BRD3: variants seen among roughly 807,000 people sequenced by gnomAD.
BRD3 encodes the protein bromodomain-containing protein 3.
BRD3 carries 17 observed loss-of-function variants against 66.8 expected under a neutral mutation model. The ratio of observed to expected loss-of-function variants is 0.25; its 90% CI spans 0.17 to 0.38. The LOEUF is 0.38. Ranked by LOEUF, BRD3 falls within the 10% of genes least tolerant of loss-of-function variation. BRD3 has a pLI of 1.00. For missense variants in BRD3, 713 were observed against 956.1 expected (o/e 0.75, Z 3.35); for synonymous variants, 421 against 393.2 (o/e 1.07, Z -0.84).
intron 10 of BRD3, among the ~76,000 whole-genome samples, chr9:134,035,615 G>A (rs756533880): frequency 3.3e-5 from 5 of 152,234 alleles, no homozygotes; most frequent in Non-Finnish European, 5.9e-5. Flanking sequence ...GCCCTGCAAG[G>A]GACCATGAGA....
chr9:134,056,124 G>A (rs1190345468), intron 1 of BRD3: 1 of 152,338 alleles, frequency 6.6e-6, no homozygotes, highest in Non-Finnish European at 1.5e-5. Context: ...CACGAGCCAC[G>A]GCAGAGCCGT....
At chr9:134,042,983 G>A (rs1325157657) in intron 7 of BRD3, among the ~76,000 whole-genome samples, 1 of 152,090 alleles carries the variant, frequency 6.6e-6, no homozygotes, top group Non-Finnish European at 1.5e-5. Context: ...GGGATCACAG[G>A]CATGCGCCAC....
intron 1 of BRD3, 43 bp from the exon 2 acceptor site, chr9:134,053,633 C>A: frequency 7.0e-7 from 1 of 1,426,508 alleles, no homozygotes; most frequent in South Asian, 1.5e-5. Context: ...CCAGTCACCC[C>A]GGGGACCCCC....
chr9:134,052,403 G>C lies in BRD3; in HGVS notation c.254C>G (p.Thr85Ser), dbSNP rs1263020685. ...KIIKNPMDMG[T>S]IKKRLENNYY... ...ATTATTTTCTAGTCTCTTCTTAATA[G>C]TCCCCATATCCATTGGGTTTTTAAT... is the stretch of plus-strand genomic sequence containing the variant. Residue 85 changes from threonine to serine, a missense_variant, in exon 3 of 12, where the codon ACT becomes AGT. Around this residue, in one of 5 missense-constraint regions of BRD3, gnomAD observed 85 missense variants for 152.4 expected, o/e 0.56. Coordinates refer to ENST00000303407, the MANE Select transcript of BRD3 (RefSeq NM_007371.4). 6.2e-7 allele frequency: 1 copy of C among 1,611,886 alleles called. No individual in the cohort carries two copies. Among genetic ancestry groups the C allele is most frequent in the South Asian group, 1.1e-5 (1 of 91,070 alleles).
intron 1 of BRD3, among the ~76,000 whole-genome samples, chr9:134,063,518 CTTAT>C (rs1446150234): frequency 1.3e-5 from 2 of 152,238 alleles, no homozygotes; most frequent in Non-Finnish European, 2.9e-5. Context: ...CTCTCAGCCG[CTTAT>C]AGTAGATTCT....
chr9:134,061,326 T>A (rs1192234488), intron 1 of BRD3, among the ~76,000 whole-genome samples: 4 of 152,190 alleles, frequency 2.6e-5, no homozygotes, highest in Non-Finnish European at 5.9e-5. Context: ...GGTCCAGGGA[T>A]GGGGAGTCCC....
intron 9 of BRD3, among the ~76,000 whole-genome samples, chr9:134,037,297 C>T (rs1046401623): frequency 7.9e-5 from 12 of 152,306 alleles, no homozygotes; most frequent in South Asian, 6.2e-4. Context: ...CAGGGCTGGG[C>T]GCGGTGGCTC....
chr9:134,060,986 C>A, intron 1 of BRD3, among the ~76,000 whole-genome samples: 1 of 152,052 alleles, frequency 6.6e-6, no homozygotes, highest in East Asian at 1.9e-4. Flanking sequence ...ATGCTGAGTC[C>A]AGGGCTGTTT....
At chr9:134,052,486 T>G (rs1830326381) in intron 2 of BRD3, 43 bp from the exon 3 acceptor site, 1 of 1,578,010 alleles carries the variant, frequency 6.3e-7, no homozygotes, top group South Asian at 1.1e-5. Flanking sequence ...AGATTCTACA[T>G]AATTATTTTC....
In BRD3 at chr9:134,033,571, T is replaced by C. The variant is rs964052833; in HGVS notation, c.*19A>G. 4.0e-6 allele frequency: 3 copies of C among 743,132 alleles called. No individual in the cohort carries two copies. The African/African-American group carries it at 5.1e-5, about 13-fold the overall frequency. 46.0% of individuals were successfully genotyped at this position (743,132 alleles called of 1,614,324 possible). A position where few individuals can be genotyped will look rare whatever the true frequency, so the allele number is the denominator to read the frequency against. On this transcript the variant is annotated 3_prime_UTR_variant, in exon 12 of 12. Transcript: ENST00000303407. The surrounding 1 kb of genome is among the most constrained non-coding windows in gnomAD (Gnocchi z 5.1). ...CGGCGTGTGCGACATCCATCTGTCC[T>C]GTTCTGTCCGAAGCCAGTTCATTCT...
intron 1 of BRD3, among the ~76,000 whole-genome samples, chr9:134,062,040 G>A (rs1830554000): frequency 1.3e-5 from 2 of 152,344 alleles, no homozygotes; most frequent in South Asian, 4.1e-4. Flanking sequence ...GGGCAGGGCT[G>A]CCTTCAGTGA....
Position 134,050,485 on chromosome 9 carries a change from T to C in BRD3, c.603A>G (p.Val201=), listed in dbSNP as rs1384858884. The change falls in exon 5 of 12, where the codon GTA becomes GTG. Residue 201 remains valine, a synonymous_variant. Coordinates refer to ENST00000303407, the MANE Select transcript of BRD3 (RefSeq NM_007371.4). ...SQTPVIAATP[V]PTITANVTSV... ...ACGTGACGTTTGCAGTGATGGTTGG[T>C]ACAGGGGTGGCAGCGATGACGGGCG... 4.3e-6 allele frequency: 7 copies of C among 1,610,286 alleles called. No homozygotes were observed. In the East Asian group the frequency reaches 1.3e-4, roughly 31 times the overall value.
intron 7 of BRD3, among the ~76,000 whole-genome samples, chr9:134,043,885 C>T (rs896595752): frequency 2.0e-5 from 3 of 152,044 alleles, no homozygotes; most frequent in Non-Finnish European, 4.4e-5. Context: ...AGAGACAGCT[C>T]GTCTCAAACT....
chr9:134,036,624 A>G (rs1041918502), intron 9 of BRD3: 9 of 1,508,844 alleles, frequency 6.0e-6, no homozygotes, highest in African/African-American at 2.7e-5. Context: ...AAGGCAAAAA[A>G]GGGGGAACAA....
chr9:134,049,790 A>T (rs891727009), intron 5 of BRD3, among the ~76,000 whole-genome samples: 2 of 152,220 alleles, frequency 1.3e-5, no homozygotes, highest in Non-Finnish European at 2.9e-5. Context: ...GATAATACAC[A>T]TAAGTGCCTG....
chr9:134,048,512 C>T (rs1830224606), intron 5 of BRD3, 58 bp from the exon 6 acceptor site: 19 of 1,589,450 alleles, frequency 1.2e-5, no homozygotes, highest in Middle Eastern at 1.7e-4. Context: ...AGACGCATGT[C>T]GCTGCAGCCG....
chr9:134,050,053 C>T lies in BRD3; in HGVS notation c.714+321G>A, dbSNP rs546538633. On this transcript the variant is annotated intron_variant, in intron 5 of 11. Transcript: ENST00000303407. ...CTCCTGAGTGTGAGCAGGGGAGGAC[C>T]GGGACCCCTCCCACCCTGGCTTCTC... 6.6e-5 allele frequency among the ~76,000 whole-genome samples: 10 copies of T among 152,334 alleles called. No homozygotes were observed. The East Asian group carries it at 9.7e-4, about 15-fold the overall frequency.
chr9:134,047,125 G>A (rs913821080), intron 6 of BRD3, among the ~76,000 whole-genome samples: 1 of 152,234 alleles, frequency 6.6e-6, no homozygotes, highest in Non-Finnish European at 1.5e-5. Flanking sequence ...CCGGGCTCTG[G>A]GGCCTGGGCC....
chr9:134,053,678 C>G, intron 1 of BRD3, 88 bp from the exon 2 acceptor site: 1 of 1,228,080 alleles, frequency 8.1e-7, no homozygotes, highest in South Asian at 1.6e-5. Flanking sequence ...CTGAGGGCAC[C>G]TGTCGGGCCT....
Sources: allele counts gnomAD v4.1 joint callset (sites outside exome capture counted in the v4.1 genomes callset), GRCh38; gene constraint gnomAD v4.1.1; regional missense constraint gnomAD v4.1.1; non-coding constraint Gnocchi (gnomAD v3.1); transcripts MANE v1.5; gene names NCBI Gene and HGNC (gene_info 2026-07-23, HGNC 2026-07-21).